MARK1: variants seen among roughly 807,000 people sequenced by gnomAD.
MARK1 encodes microtubule affinity regulating kinase 1.
In MARK1, 40 loss-of-function variants were observed where a neutral mutation model predicts 96.3. That is an observed-to-expected ratio of 0.42 (90% CI 0.32 to 0.54). The LOEUF is 0.54. Ranked by LOEUF, MARK1 falls within the 20% of genes least tolerant of loss-of-function variation. The pLI is 0.16. For missense variants in MARK1, 719 were observed against 984.6 expected (o/e 0.73, Z 3.61); for synonymous variants, 317 against 341.2 (o/e 0.93, Z 0.78).
chr1:220,560,174 G>A (rs138164333), intron 1 of MARK1, among the ~76,000 whole-genome samples: 261 of 152,028 alleles, frequency 1.7e-3, no homozygotes, highest in Middle Eastern at 6.8e-3. Context: ...GGGGGAAACT[G>A]CCCCCCCATG....
rs564950863 is a variant in MARK1 at position 220,551,035 on chromosome 1, G to A, written c.51+22162G>A. Among the ~76,000 whole-genome samples, 5 of 152,172 alleles carry A rather than the reference G, an allele frequency of 3.3e-5. No individual in the cohort carries two copies. The East Asian group carries it at 9.6e-4, about 29-fold the overall frequency. On this transcript the variant is annotated intron_variant, in intron 1 of 17. Coordinates refer to ENST00000366917, the MANE Select transcript of MARK1 (RefSeq NM_018650.5). ...GAGGGAAAGATGAATGTGACATGGGGGAGTAAAACAAATTAGAACCTGCGA... is the reference window on the plus strand; with the variant it reads ...GAGGGAAAGATGAATGTGACATGGGAGAGTAAAACAAATTAGAACCTGCGA...
At position 220,603,922 on chromosome 1, in the gene MARK1, A is replaced by G. The variant is rs560763028; in HGVS notation, c.425-145A>G. 3 of 479,122 alleles carry G rather than the reference A, an allele frequency of 6.3e-6. No individual in the cohort carries two copies. The South Asian group carries it at 1.4e-4, about 22-fold the overall frequency. 29.7% of individuals were successfully genotyped at this position (479,122 alleles called of 1,614,324 possible). A position where few individuals can be genotyped will look rare whatever the true frequency, so the allele number is the denominator to read the frequency against. On this transcript the variant is annotated intron_variant, in intron 5 of 17. Transcript: ENST00000366917. Reference sequence around the variant, plus strand: ...TGTAATTTTTTCCTTTTTTCTATTCATGTGTTAGTTTGTAACTTACATAAA... The same window carrying G: ...TGTAATTTTTTCCTTTTTTCTATTCGTGTGTTAGTTTGTAACTTACATAAA...
intron 1 of MARK1, among the ~76,000 whole-genome samples, chr1:220,571,378 G>A (rs1237180707): frequency 2.0e-5 from 3 of 152,188 alleles, no homozygotes; most frequent in African/African-American, 7.2e-5. Flanking sequence ...TTCAAGTGCA[G>A]TAGGAACATA....
chr1:220,613,738 A>C (rs1365774144), intron 6 of MARK1, among the ~76,000 whole-genome samples: 1 of 152,192 alleles, frequency 6.6e-6, no homozygotes, highest in Non-Finnish European at 1.5e-5. Flanking sequence ...TAAGAAAACT[A>C]ATACTACAAA....
intron 1 of MARK1, among the ~76,000 whole-genome samples, chr1:220,547,893 C>T (rs542866289): frequency 7.9e-5 from 12 of 152,180 alleles, no homozygotes; most frequent in Non-Finnish European, 1.5e-4. Context: ...TTAAGCCTGT[C>T]ACACACATAA....
In MARK1 at chr1:220,617,985, A is replaced by G. The variant is rs149481906; in HGVS notation, c.553-325A>G. Among the ~76,000 whole-genome samples, 493 of 152,346 alleles carry G rather than the reference A, an allele frequency of 3.2e-3. 13 individuals carry two copies. Among genetic ancestry groups the G allele is most frequent in the Admixed American group, 0.03 (455 of 15,292 alleles). ...TCTTTAGAGTAGGTCATATTAAGGTACGCTTCCAGGATGTTTCTGACTGTG... is the reference window on the plus strand; with the variant it reads ...TCTTTAGAGTAGGTCATATTAAGGTGCGCTTCCAGGATGTTTCTGACTGTG... On this transcript the variant is annotated intron_variant, in intron 7 of 17. Coordinates refer to ENST00000366917, the MANE Select transcript of MARK1 (RefSeq NM_018650.5).
chr1:220,528,667 C>T lies in MARK1; in HGVS notation c.-156C>T, dbSNP rs1259332998. 2 of 570,920 alleles carry T rather than the reference C, an allele frequency of 3.5e-6. No homozygotes were observed. Among genetic ancestry groups the T allele is most frequent in the Admixed American group, 4.3e-5 (1 of 23,384 alleles). The allele number at this position is 570,920 out of a possible 1,614,324, so 35.4% of individuals were successfully genotyped here. A position where few individuals can be genotyped will look rare whatever the true frequency, so the allele number is the denominator to read the frequency against. ...TTCCTCCGCGTCCTCTTCCCTCTTT[C>T]CCCCGCCGGGGCCGCTTGTTGCACC... On this transcript the variant is annotated 5_prime_UTR_variant, in exon 1 of 18. Coordinates refer to ENST00000366917, the MANE Select transcript of MARK1 (RefSeq NM_018650.5).
intron 1 of MARK1, among the ~76,000 whole-genome samples, chr1:220,536,457 A>G (rs1660690159): frequency 6.7e-6 from 1 of 149,326 alleles, no homozygotes; most frequent in South Asian, 2.1e-4. Flanking sequence ...TGTACATTTT[A>G]TACAATTATG....
At chr1:220,585,314 A>G (rs1444845649) in intron 3 of MARK1, among the ~76,000 whole-genome samples, 2 of 152,224 alleles carry the variant, frequency 1.3e-5, no homozygotes, top group African/African-American at 2.4e-5. Flanking sequence ...GGTGGGAAGT[A>G]TACTTTTCAC....
chr1:220,633,234 A>G (rs572205311), intron 11 of MARK1, among the ~76,000 whole-genome samples: 8 of 152,306 alleles, frequency 5.3e-5, no homozygotes, highest in Non-Finnish European at 1.2e-4. Context: ...CTTCAACATG[A>G]GATTTGGAGG....
chr1:220,552,771 C>T (rs1312786118), intron 1 of MARK1, among the ~76,000 whole-genome samples: 1 of 152,148 alleles, frequency 6.6e-6, no homozygotes, highest in Non-Finnish European at 1.5e-5. Context: ...AAAACACCTT[C>T]CCTTCTATTA....
intron 1 of MARK1, among the ~76,000 whole-genome samples, chr1:220,570,298 G>T (rs1338550796): frequency 6.6e-6 from 1 of 152,054 alleles, no homozygotes; most frequent in African/African-American, 2.4e-5. Flanking sequence ...AGAATGTAAT[G>T]ATTATTAAGG....
At chr1:220,543,490 T>C (rs1444211541) in intron 1 of MARK1, among the ~76,000 whole-genome samples, 2 of 152,214 alleles carry the variant, frequency 1.3e-5, no homozygotes, top group Non-Finnish European at 1.5e-5. Context: ...TGGGAATGCA[T>C]ACTTACACAT....
chr1:220,632,359 T>A, intron 11 of MARK1, 46 bp downstream of exon 11: 1 of 829,646 alleles, frequency 1.2e-6, no homozygotes, highest in Non-Finnish European at 1.9e-6. Context: ...TTTCTTGAGC[T>A]AATATATTAG....
intron 6 of MARK1, among the ~76,000 whole-genome samples, chr1:220,608,906 C>T (rs1046982122): frequency 6.6e-6 from 1 of 152,242 alleles, no homozygotes; most frequent in Non-Finnish European, 1.5e-5. Flanking sequence ...TTTGATTGCA[C>T]TGTGGTCTGA....
chr1:220,621,974 G>A (rs1667075040), intron 9 of MARK1, among the ~76,000 whole-genome samples: 1 of 151,938 alleles, frequency 6.6e-6, no homozygotes, highest in African/African-American at 2.4e-5. Flanking sequence ...ATTCTACTAG[G>A]CCTATAGTTT....
chr1:220,550,545 G>A (rs756408172), intron 1 of MARK1, among the ~76,000 whole-genome samples: 2 of 152,168 alleles, frequency 1.3e-5, no homozygotes, highest in Non-Finnish European at 2.9e-5. Context: ...TAGAGACAGA[G>A]TTTTGCCATG....
At chr1:220,651,164 A>G (rs1668851849) in intron 14 of MARK1, among the ~76,000 whole-genome samples, 1 of 152,188 alleles carries the variant, frequency 6.6e-6, no homozygotes, top group Non-Finnish European at 1.5e-5. Context: ...CATAATTTTT[A>G]AAGTGTTTTA....
At chr1:220,626,943 C>A in intron 9 of MARK1, 1 of 503,760 alleles carries the variant, frequency 2.0e-6, no homozygotes, top group Non-Finnish European at 4.0e-6. Flanking sequence ...TAGTGCTGGA[C>A]ATATGAGACA....
Sources: allele counts gnomAD v4.1 joint callset (sites outside exome capture counted in the v4.1 genomes callset), GRCh38; gene constraint gnomAD v4.1.1; transcripts MANE v1.5; gene names NCBI Gene and HGNC (gene_info 2026-07-23, HGNC 2026-07-21).